The following FRAS1 variants were observed in gnomAD, a reference collection of about 807,000 sequenced individuals.
The protein encoded by FRAS1 is extracellular matrix organizing protein FRAS1.
FRAS1 carries 290 observed loss-of-function variants against 435.2 expected under a neutral mutation model. The ratio of observed to expected loss-of-function variants is 0.67; its 90% CI spans 0.61 to 0.73. The LOEUF (loss-of-function observed/expected upper bound fraction) is 0.73. Ranked by LOEUF, FRAS1 falls within the 30% of genes least tolerant of loss-of-function variation. FRAS1 has a pLI of 0.00. For missense variants in FRAS1, 4,860 were observed against 5,001.5 expected (o/e 0.97, Z 0.85); for synonymous variants, 1,800 against 1,851.0 (o/e 0.97, Z 0.71).
Position 78,537,085 on chromosome 4 carries a change from C to T in FRAS1, c.11183C>T (p.Thr3728Met), listed in dbSNP as rs1421779376. Residue 3728 changes from threonine to methionine, a missense_variant, in exon 72 of 74, where the codon ACG becomes ATG. By Grantham distance (81) the Thr-to-Met change is moderately conservative. Transcript: ENST00000512123. ...KLQLEKVYLCTGKDGYVPFFD... is the reference protein window; with the variant it reads ...KLQLEKVYLCMGKDGYVPFFD... ...CAGCTGGAGAAAGTCTATCTTTGTACGGGCAAGGATGGTTATGTGCCTTTC... is the reference window on the plus strand; with the variant it reads ...CAGCTGGAGAAAGTCTATCTTTGTATGGGCAAGGATGGTTATGTGCCTTTC... 11 of 1,613,826 alleles carry T rather than the reference C, an allele frequency of 6.8e-6. No individual in the cohort carries two copies. The highest frequency in any genetic ancestry group is 3.3e-5 in the Admixed American group (2 of 60,010).
At chr4:78,136,235 A>G (rs1719911417) in intron 2 of FRAS1, among the ~76,000 whole-genome samples, 1 of 152,206 alleles carries the variant, frequency 6.6e-6, no homozygotes, top group South Asian at 2.1e-4. Flanking sequence ...AGGACACTAA[A>G]TAGACTGTGA....
chr4:78,389,007 T>C (rs748485773), intron 29 of FRAS1, among the ~76,000 whole-genome samples: 18 of 152,212 alleles, frequency 1.2e-4, no homozygotes, highest in Non-Finnish European at 2.4e-4. Context: ...ATACTTTTTT[T>C]CTAAAATATG....
intron 26 of FRAS1, chr4:78,379,502 C>T (rs11098164): frequency 0.61 from 306,997 of 500,030 alleles, 95,766 homozygotes; most frequent in African/African-American, 0.66. Context: ...TCAGGAATAC[C>T]GAAGTTCCCT....
At chr4:78,245,510 T>C (rs903592895) in intron 4 of FRAS1, among the ~76,000 whole-genome samples, 185 bp downstream of exon 4, 2 of 152,222 alleles carry the variant, frequency 1.3e-5, no homozygotes, top group Non-Finnish European at 2.9e-5. Flanking sequence ...CTGTAGGCTC[T>C]ACATAAATAT....
At chr4:78,500,224 C>T (rs1578360294) in intron 61 of FRAS1, among the ~76,000 whole-genome samples, 2 of 152,224 alleles carry the variant, frequency 1.3e-5, no homozygotes, top group East Asian at 1.9e-4. Context: ...AAAATACACA[C>T]GTAACTGGCA....
At chr4:78,278,085 C>T (rs932870063) in intron 9 of FRAS1, among the ~76,000 whole-genome samples, 2 of 152,174 alleles carry the variant, frequency 1.3e-5, no homozygotes, top group African/African-American at 4.8e-5. Flanking sequence ...AGGCGTGATC[C>T]ACCACGACTG....
chr4:78,469,384 T>C (rs1719635196), intron 50 of FRAS1, among the ~76,000 whole-genome samples: 1 of 152,184 alleles, frequency 6.6e-6, no homozygotes, highest in East Asian at 1.9e-4. Flanking sequence ...TGAAATTTCC[T>C]TTTCGCTATT....
rs771894640 is a variant in FRAS1 at position 78,508,755 on chromosome 4, C to G, written c.9529C>G (p.His3177Asp). 1.2e-6 allele frequency: 2 copies of G among 1,613,822 alleles called. No homozygotes were observed. Among genetic ancestry groups the G allele is most frequent in the African/African-American group, 1.3e-5 (1 of 75,050 alleles). Residue 3177 changes from histidine (H) to aspartate (D), a missense_variant, in exon 63 of 74, where the codon CAT becomes GAT. Physicochemically the swap from His to Asp is moderately conservative, Grantham distance 81. Transcript: ENST00000512123. ...GGTGGTCACACTTGCTGACTATGACCATGTGGAAGAAGTTACCAAGGAAGG... is the reference window on the plus strand; with the variant it reads ...GGTGGTCACACTTGCTGACTATGACGATGTGGAAGAAGTTACCAAGGAAGG... Reference protein sequence around the residue: ...PIVVTLADYDHVEEVTKEGVK... With the variant: ...PIVVTLADYDDVEEVTKEGVK...
intron 2 of FRAS1, among the ~76,000 whole-genome samples, chr4:78,114,543 A>C (rs924689370): frequency 3.9e-5 from 6 of 152,060 alleles, no homozygotes; most frequent in Non-Finnish European, 8.8e-5. Flanking sequence ...GAGGTCCTTC[A>C]TGTCCCTTTA....
chr4:78,393,282 T>A (rs1732523482), intron 29 of FRAS1, among the ~76,000 whole-genome samples: 1 of 152,098 alleles, frequency 6.6e-6, no homozygotes, highest in African/African-American at 2.4e-5. Flanking sequence ...TTGATAGTCA[T>A]AGGCACTATG....
chr4:78,135,770 G>T (rs565910582), intron 2 of FRAS1, among the ~76,000 whole-genome samples: 10 of 152,238 alleles, frequency 6.6e-5, no homozygotes, highest in Admixed American at 6.5e-4. Flanking sequence ...AACTCTAGGG[G>T]GTGTCATTTA....
intron 2 of FRAS1, among the ~76,000 whole-genome samples, chr4:78,136,589 G>A (rs1386467588): frequency 1.3e-5 from 2 of 152,176 alleles, no homozygotes; most frequent in Non-Finnish European, 2.9e-5. Flanking sequence ...TAGACAGCAC[G>A]CAGTCTAATC....
chr4:78,266,789 T>C lies in FRAS1; in HGVS notation c.688-45T>C, dbSNP rs773017051. 1.3e-5 allele frequency: 18 copies of C among 1,414,902 alleles called. No individual in the cohort carries two copies. In the East Asian group the frequency reaches 4.1e-4, roughly 33 times the overall value. 87.6% of individuals were successfully genotyped at this position (1,414,902 alleles called of 1,614,324 possible). ...TGTGACAGTGCTTCTATTTGATGTA[T>C]GGGACATTTGATTTTCCATGTTCTT... On this transcript the variant is annotated intron_variant, in intron 7 of 73. Transcript: ENST00000512123.
intron 18 of FRAS1, 144 bp from the exon 19 acceptor site, chr4:78,333,128 T>A: frequency 1.2e-6 from 1 of 839,538 alleles, no homozygotes; most frequent in Non-Finnish European, 1.7e-6. Flanking sequence ...GGGAAGTGTG[T>A]GAGATGTGCA....
chr4:78,188,853 C>T (rs942865786), intron 2 of FRAS1, among the ~76,000 whole-genome samples: 9 of 152,182 alleles, frequency 5.9e-5, no homozygotes, highest in Admixed American at 1.3e-4. Flanking sequence ...ACTCTGTCCC[C>T]GTCCTCATGC....
chr4:78,131,192 A>G (rs1033628301), intron 2 of FRAS1, among the ~76,000 whole-genome samples: 1 of 152,202 alleles, frequency 6.6e-6, no homozygotes, highest in African/African-American at 2.4e-5. Context: ...TGAGAGATAT[A>G]TACACACATA....
At position 78,267,325 on chromosome 4, in the gene FRAS1, C is replaced by G. The variant is rs368173429; in HGVS notation, c.874C>G (p.Arg292Gly). 3.2e-5 allele frequency: 51 copies of G among 1,613,484 alleles called. No homozygotes were observed. In the African/African-American group the frequency reaches 6.4e-4, roughly 20 times the overall value. ...AGSCSYDGVV[R>G]YQDEMWKGSA... ...GAGCTGCTCCTATGATGGAGTTGTG[C>G]GGTACCAGGACGAAATGTGGAAGGG... Residue 292 changes from arginine to glycine, a missense_variant, in exon 9 of 74, where the codon CGG becomes GGG. By Grantham distance (125) the Arg-to-Gly change is moderately radical (BLOSUM62 -2). Transcript: ENST00000512123.
intron 60 of FRAS1, among the ~76,000 whole-genome samples, chr4:78,498,887 G>A (rs767384178): frequency 3.4e-5 from 5 of 144,988 alleles, no homozygotes; most frequent in Admixed American, 6.8e-5. Flanking sequence ...TTGCTTTGTC[G>A]CCCAGGCTGG....
chr4:78,228,907 T>C (rs1312884051), intron 2 of FRAS1, among the ~76,000 whole-genome samples: 1 of 152,218 alleles, frequency 6.6e-6, no homozygotes, highest in Non-Finnish European at 1.5e-5. Context: ...AGTTTGCATA[T>C]TAGGAAACAG....
Sources: gnomAD v4.1 joint callset for allele counts (sites outside exome capture counted in the v4.1 genomes callset) on GRCh38, gnomAD v4.1.1 for gene constraint, MANE v1.5 for transcripts, NCBI Gene and HGNC (gene_info 2026-07-23, HGNC 2026-07-21) for gene names.